PKD2L1: variants seen among roughly 807,000 people sequenced by gnomAD.
The protein encoded by PKD2L1 is polycystin-2-like protein 1.
A neutral mutation model predicts 93.0 loss-of-function variants in PKD2L1; 77 were observed. That is an observed-to-expected ratio of 0.83 (90% CI 0.69 to 1.00). The LOEUF (loss-of-function observed/expected upper bound fraction) is 1.00, where lower values mean the gene tolerates loss of function less well. Among genes scored for constraint, PKD2L1 ranks in the 50% least tolerant of loss-of-function variants. PKD2L1 has a pLI of 0.00. For synonymous variants in PKD2L1, 390 were observed against 388.0 expected (o/e 1.01, Z -0.06); for missense variants, 977 against 990.9 (o/e 0.99, Z 0.19).
chr10:100,294,933 G>GAC lies in PKD2L1; in HGVS notation c.1538+7_1538+8dup, dbSNP rs750542065. On this transcript the variant is annotated intron_variant, in intron 8 of 15. Coordinates refer to ENST00000318222, the MANE Select transcript of PKD2L1 (RefSeq NM_016112.3). Reference sequence around the variant, plus strand: ...GGCCAGGGAGGAGTGAAGGGGACAGGACACACACATGCACTTGATGAAAGT... The same window carrying GAC: ...GGCCAGGGAGGAGTGAAGGGGACAGGACACACACACATGCACTTGATGAAAGT... 3.7e-6 allele frequency: 6 copies of GAC among 1,609,168 alleles called. No homozygotes were observed. The highest frequency in any genetic ancestry group is 5.1e-6 in the Non-Finnish European group (6 of 1,177,284).
intron 2 of PKD2L1, among the ~76,000 whole-genome samples, chr10:100,323,416 G>A (rs7076405): frequency 0.02 from 3,002 of 151,958 alleles, 62 homozygotes; most frequent in Middle Eastern, 0.054. Context: ...CTACAGGAGC[G>A]TGCCACCACA....
At chr10:100,294,105 C>T (rs1564880633) in intron 9 of PKD2L1, among the ~76,000 whole-genome samples, 1 of 151,942 alleles carries the variant, frequency 6.6e-6, no homozygotes, top group Admixed American at 6.6e-5. Flanking sequence ...AGAGTGAGAC[C>T]CTGTCTAAAA....
At chr10:100,312,147 G>C (rs1312447692) in intron 2 of PKD2L1, among the ~76,000 whole-genome samples, 1 of 152,208 alleles carries the variant, frequency 6.6e-6, no homozygotes, top group African/African-American at 2.4e-5. Context: ...AATGAGGGAA[G>C]GGTTAGATCC....
In PKD2L1 at chr10:100,291,422, C is replaced by A; in HGVS notation, c.1886G>T (p.Gly629Val). Residue 629 changes from glycine to valine, a missense_variant, in exon 12 of 16, where the codon GGA becomes GTA. Coordinates refer to ENST00000318222, the MANE Select transcript of PKD2L1 (RefSeq NM_016112.3). ...EDFTNTLREL[G>V]HAEHEITELT... ...CTCAGTGATTTCATGCTCTGCGTGT[C>A]CCAGTCTGAGAAGAGGATGATGAAA... 6.2e-7 allele frequency: 1 copy of A among 1,613,986 alleles called. No individual in the cohort carries two copies. The highest frequency in any genetic ancestry group is 8.5e-7 in the Non-Finnish European group (1 of 1,179,934).
chr10:100,317,439 T>G (rs1255644783), intron 2 of PKD2L1, among the ~76,000 whole-genome samples: 1 of 152,126 alleles, frequency 6.6e-6, no homozygotes, highest in Non-Finnish European at 1.5e-5. Flanking sequence ...CTTGGGAGGC[T>G]GAGGTGGGAG....
At chr10:100,292,546 G>A (rs1227711153) in intron 11 of PKD2L1, among the ~76,000 whole-genome samples, 2 of 152,242 alleles carry the variant, frequency 1.3e-5, no homozygotes, top group Middle Eastern at 3.4e-3. Context: ...TCTGCAGCTG[G>A]TGCTCACAAT....
rs1780894767 is a variant in PKD2L1, at chr10:100,315,723, C to T, written c.349+13488G>A. 2.6e-5 allele frequency among the ~76,000 whole-genome samples: 4 copies of T among 152,118 alleles called. No individual in the cohort carries two copies. In the South Asian group the frequency reaches 6.2e-4, roughly 24 times the overall value. Reference sequence around the variant, plus strand: ...GAATGAGAAGAAATGCTGGTTTACGCCTTTTTCCTCTTACTTGCCCCTTGA... The same window carrying T: ...GAATGAGAAGAAATGCTGGTTTACGTCTTTTTCCTCTTACTTGCCCCTTGA... On this transcript the variant is annotated intron_variant, in intron 2 of 15. Coordinates refer to ENST00000318222, the MANE Select transcript of PKD2L1 (RefSeq NM_016112.3).
At chr10:100,322,882 T>G (rs1453547184) in intron 2 of PKD2L1, among the ~76,000 whole-genome samples, 1 of 152,238 alleles carries the variant, frequency 6.6e-6, no homozygotes, top group Non-Finnish European at 1.5e-5. Context: ...TTCCTCTTTC[T>G]TCACTTGCTT....
chr10:100,319,053 C>G (rs1167820970), intron 2 of PKD2L1, among the ~76,000 whole-genome samples: 1 of 151,842 alleles, frequency 6.6e-6, no homozygotes, highest in Non-Finnish European at 1.5e-5. Flanking sequence ...ACCATGTTGC[C>G]CAGGCTGGTC....
In PKD2L1 at chr10:100,296,136, A is replaced by C; in HGVS notation, c.1342T>G (p.Phe448Val). Residue 448 changes from phenylalanine to valine, a missense_variant, in exon 7 of 16, where the codon TTC becomes GTC. By Grantham distance (50) the Phe-to-Val change is conservative. Transcript: ENST00000318222. ...YNNMNAVNLF[F>V]AWIKIFKYIS... Reference sequence around the variant, plus strand: ...ATCCCAGGTACCTTGATCCAGGCGAAGAAGAGGTTGACAGCATTCATGTTG... The same window carrying C: ...ATCCCAGGTACCTTGATCCAGGCGACGAAGAGGTTGACAGCATTCATGTTG... 6.2e-7 allele frequency: 1 copy of C among 1,610,038 alleles called. No individual in the cohort carries two copies. Among genetic ancestry groups the C allele is most frequent in the African/African-American group, 1.3e-5 (1 of 74,738 alleles).
rs759533794 is a variant in PKD2L1, at chr10:100,299,732, C to T, written c.350-14G>A. 3 of 1,612,728 alleles carry T rather than the reference C, an allele frequency of 1.9e-6. No individual in the cohort carries two copies. Among genetic ancestry groups the T allele is most frequent in the East Asian group, 4.5e-5 (2 of 44,860 alleles). On this transcript the variant is annotated splice_polypyrimidine_tract_variant and intron_variant, in intron 2 of 15. Transcript: ENST00000318222. ...TTCCATAGGTCACTAGAAAACAACC[C>T]AAGAGGCTATGTCCTTCTCACTGTT...
chr10:100,310,622 C>T (rs892215145), intron 2 of PKD2L1, among the ~76,000 whole-genome samples: 4 of 152,222 alleles, frequency 2.6e-5, no homozygotes, highest in Middle Eastern at 3.4e-3. Context: ...ACACACTTCT[C>T]CTAAAATTGC....
At chr10:100,296,330 A>AT in intron 6 of PKD2L1, 38 bp from the exon 7 acceptor site, 1 of 1,523,244 alleles carries the variant, frequency 6.6e-7, no homozygotes, top group Non-Finnish European at 8.8e-7. Context: ...AGAGAAGGCA[A>AT]GGGGATCTCA....
At chr10:100,313,122 T>C (rs776853228) in intron 2 of PKD2L1, among the ~76,000 whole-genome samples, 1 of 151,880 alleles carries the variant, frequency 6.6e-6, no homozygotes, top group Admixed American at 6.6e-5. Context: ...AGAGGAAGAG[T>C]TGCACTTGCT....
chr10:100,297,070 G>A lies in PKD2L1; in HGVS notation c.1095C>T (p.Tyr365=), dbSNP rs1365019607. 6.2e-7 allele frequency: 1 copy of A among 1,614,130 alleles called. No homozygotes were observed. Among genetic ancestry groups the A allele is most frequent in the South Asian group, 1.1e-5 (1 of 91,082 alleles). The change falls in exon 6 of 16, where the codon TAC becomes TAT. Residue 365 remains tyrosine, a synonymous_variant. Coordinates refer to ENST00000318222, the MANE Select transcript of PKD2L1 (RefSeq NM_016112.3). ...CEVIFCVFIF[Y]YVVEEILELH... ...GCTCCAGGATCTCTTCCACCACATA[G>A]TAGAAGATGAAGACGCAGAAGATGA...
At chr10:100,306,426 G>A (rs978341281) in intron 2 of PKD2L1, among the ~76,000 whole-genome samples, 1 of 152,106 alleles carries the variant, frequency 6.6e-6, no homozygotes, top group African/African-American at 2.4e-5. Flanking sequence ...ATCTCAAGAT[G>A]ACTTACAAAC....
intron 11 of PKD2L1, among the ~76,000 whole-genome samples, chr10:100,291,843 C>T (rs1185325907): frequency 1.3e-5 from 2 of 152,104 alleles, no homozygotes; most frequent in Non-Finnish European, 2.9e-5. Context: ...GGTAGTGTGG[C>T]CTTTCTCAGT....
intron 2 of PKD2L1, among the ~76,000 whole-genome samples, chr10:100,322,491 TA>T (rs1184893067): frequency 2.6e-5 from 4 of 151,716 alleles, no homozygotes; most frequent in Admixed American, 6.6e-5. Context: ...AAAAAAAAAC[TA>T]CTTAGAAATA....
At chr10:100,314,265 T>C (rs896716346) in intron 2 of PKD2L1, among the ~76,000 whole-genome samples, 2 of 151,972 alleles carry the variant, frequency 1.3e-5, no homozygotes, top group African/African-American at 4.8e-5. Context: ...GGGAGAGCCC[T>C]TTAAAAAAAA....
Sources: gnomAD v4.1 joint callset for allele counts (sites outside exome capture counted in the v4.1 genomes callset) on GRCh38, gnomAD v4.1.1 for gene constraint, MANE v1.5 for transcripts, NCBI Gene and HGNC (gene_info 2026-07-23, HGNC 2026-07-21) for gene names.